The following SORCS3 variants were observed in gnomAD, a reference collection of about 807,000 sequenced individuals.
SORCS3 encodes VPS10 domain-containing receptor SorCS3.
A neutral mutation model predicts 146.3 loss-of-function variants in SORCS3; 57 were observed. The observed-to-expected ratio is 0.39, with a 90% CI of 0.31 to 0.49. The LOEUF is 0.49. SORCS3 is among the 20% of genes least tolerant of loss of function. The pLI, the probability that SORCS3 is intolerant of heterozygous loss-of-function variation, is 0.92. For missense variants in SORCS3, 1,341 were observed against 1,575.5 expected (o/e 0.85, Z 2.52); for synonymous variants, 653 against 618.5 (o/e 1.06, Z -0.83).
intron 1 of SORCS3, among the ~76,000 whole-genome samples, chr10:104,834,519 C>T (rs1431100387): frequency 6.6e-6 from 1 of 152,116 alleles, no homozygotes; most frequent in East Asian, 1.9e-4. Context: ...CTCATAGAGG[C>T]CTCTTCTGAA....
chr10:105,152,142 G>A (rs1228360652), intron 9 of SORCS3, among the ~76,000 whole-genome samples: 1 of 152,136 alleles, frequency 6.6e-6, no homozygotes, highest in Non-Finnish European at 1.5e-5. Flanking sequence ...TCTCTGAGCT[G>A]CCGGTGTGAT....
intron 17 of SORCS3, among the ~76,000 whole-genome samples, chr10:105,213,708 C>A (rs1225382005): frequency 6.6e-6 from 1 of 152,068 alleles, no homozygotes; most frequent in African/African-American, 2.4e-5. Context: ...ATGTCCTTGT[C>A]ACAGAAGGTC....
At chr10:105,032,247 G>A (rs1281916009) in intron 4 of SORCS3, among the ~76,000 whole-genome samples, 1 of 152,164 alleles carries the variant, frequency 6.6e-6, no homozygotes, top group East Asian at 1.9e-4. Context: ...TTTGGGATGA[G>A]CGTTGGTTTT....
chr10:104,908,106 C>T (rs1352602603), intron 2 of SORCS3, among the ~76,000 whole-genome samples: 1 of 152,202 alleles, frequency 6.6e-6, no homozygotes, highest in African/African-American at 2.4e-5. Context: ...CACCAGAGCA[C>T]CTAATAGCCT....
At chr10:104,864,044 G>A (rs1461716737) in intron 2 of SORCS3, among the ~76,000 whole-genome samples, 2 of 152,120 alleles carry the variant, frequency 1.3e-5, no homozygotes, top group African/African-American at 4.8e-5. Flanking sequence ...AGCATATATT[G>A]AATAGCTACT....
chr10:105,247,158 C>A, intron 21 of SORCS3, 61 bp from the exon 22 acceptor site: 1 of 871,514 alleles, frequency 1.1e-6, no homozygotes. Flanking sequence ...AGCTCCACAC[C>A]TGTCACACCC....
intron 3 of SORCS3, among the ~76,000 whole-genome samples, chr10:104,950,472 T>C (rs1473914309): frequency 1.3e-5 from 2 of 152,220 alleles, no homozygotes; most frequent in Non-Finnish European, 2.9e-5. Context: ...AAAGGAAGCA[T>C]TGCGTGTAAA....
At chr10:105,262,097 G>T (rs1306685037) in intron 25 of SORCS3, among the ~76,000 whole-genome samples, 2 of 152,106 alleles carry the variant, frequency 1.3e-5, no homozygotes, top group African/African-American at 2.4e-5. Context: ...ACAGGAAAAG[G>T]TGCATTCCTC....
chr10:105,155,571 G>A (rs553367290), intron 9 of SORCS3, among the ~76,000 whole-genome samples: 6 of 152,200 alleles, frequency 3.9e-5, no homozygotes, highest in African/African-American at 1.4e-4. Flanking sequence ...GGAATGATTA[G>A]TAGTCAGGTT....
At chr10:104,693,450 T>C (rs919675797) in intron 1 of SORCS3, among the ~76,000 whole-genome samples, 1 of 152,182 alleles carries the variant, frequency 6.6e-6, no homozygotes, top group Non-Finnish European at 1.5e-5. Context: ...TAAGCCAACA[T>C]ACTTTGCAGA....
chr10:105,139,158 G>A (rs957793196), intron 7 of SORCS3, among the ~76,000 whole-genome samples: 3 of 152,244 alleles, frequency 2.0e-5, no homozygotes, highest in Non-Finnish European at 2.9e-5. Flanking sequence ...GTCAGTCTCT[G>A]TTCTGAGGGA....
intron 25 of SORCS3, among the ~76,000 whole-genome samples, chr10:105,260,734 C>A (rs1455853946): frequency 6.6e-6 from 1 of 152,150 alleles, no homozygotes; most frequent in African/African-American, 2.4e-5. Flanking sequence ...CTTGAGAATA[C>A]CACTGCTTGG....
chr10:105,035,621 C>G (rs372342470), intron 4 of SORCS3, among the ~76,000 whole-genome samples: 5,589 of 152,000 alleles, frequency 0.037, 335 homozygotes, highest in African/African-American at 0.13. Flanking sequence ...GTGCCCGCCA[C>G]CAGGCCTGGC....
intron 1 of SORCS3, among the ~76,000 whole-genome samples, chr10:104,813,433 C>T (rs1372850104): frequency 6.6e-6 from 1 of 152,164 alleles, no homozygotes; most frequent in African/African-American, 2.4e-5. Context: ...TAGGGCTGGC[C>T]TGTTTTATGT....
At chr10:104,980,868 C>A (rs1459527384) in intron 4 of SORCS3, among the ~76,000 whole-genome samples, 1 of 152,134 alleles carries the variant, frequency 6.6e-6, no homozygotes, top group African/African-American at 2.4e-5. Flanking sequence ...TAAAGAAATA[C>A]CTTGTGGATA....
At chr10:105,127,198 C>T (rs1469522527) in intron 7 of SORCS3, among the ~76,000 whole-genome samples, 3 of 152,092 alleles carry the variant, frequency 2.0e-5, no homozygotes, top group African/African-American at 7.2e-5. Flanking sequence ...TTGTACTCTG[C>T]TTCCCTGTTT....
At chr10:104,678,355 A>G (rs1451000516) in intron 1 of SORCS3, among the ~76,000 whole-genome samples, 1 of 152,186 alleles carries the variant, frequency 6.6e-6, no homozygotes, top group Non-Finnish European at 1.5e-5. Flanking sequence ...GCACGTACAC[A>G]TCCCTGGCAC....
rs1383898932 is a variant in SORCS3, at chr10:104,690,152, G to A, written c.627+48198G>A. Among the ~76,000 whole-genome samples the A allele has an allele frequency of 2.0e-5, 3 of 152,304 alleles. No individual in the cohort carries two copies. In the East Asian group the frequency reaches 5.8e-4, roughly 29 times the overall value. The stretch of plus-strand genomic sequence containing the variant: ...TCCTTTATCCCTTGCCTGTAGCTGG[G>A]AAGCTGGGAGACTCCCTTATGCATA... On this transcript the variant is annotated intron_variant, in intron 1 of 26. Transcript: ENST00000369701.
intron 1 of SORCS3, among the ~76,000 whole-genome samples, chr10:104,777,491 C>T (rs777108157): frequency 1.1e-4 from 16 of 152,330 alleles, no homozygotes; most frequent in Admixed American, 7.2e-4. Context: ...CCTTTGCCCT[C>T]GCAACCTATT....
Sources: gnomAD v4.1 joint callset for allele counts (sites outside exome capture counted in the v4.1 genomes callset) on GRCh38, gnomAD v4.1.1 for gene constraint, MANE v1.5 for transcripts, NCBI Gene and HGNC (gene_info 2026-07-23, HGNC 2026-07-21) for gene names.